The following INPP4B variants were observed in gnomAD, a reference collection of about 807,000 sequenced individuals.
The protein encoded by INPP4B is inositol polyphosphate 4-phosphatase type II.
A neutral mutation model predicts 122.5 loss-of-function variants in INPP4B; 55 were observed. The observed-to-expected ratio is 0.45, with a 90% CI of 0.36 to 0.56. INPP4B has a LOEUF of 0.56. INPP4B is among the 20% of genes least tolerant of loss of function. The pLI, the probability that INPP4B is intolerant of heterozygous loss-of-function variation, is 0.00. For synonymous variants in INPP4B, 403 were observed against 388.7 expected, an observed-to-expected ratio of 1.04 and a Z score of -0.43; for missense variants, 1,000 against 1,097.7, an observed-to-expected ratio of 0.91 and a Z score of 1.26.
intron 7 of INPP4B, among the ~76,000 whole-genome samples, chr4:142,367,656 A>G (rs1409103137): frequency 1.3e-5 from 2 of 152,116 alleles, no homozygotes; most frequent in Admixed American, 6.6e-5. Flanking sequence ...TCTCAACATT[A>G]TGCTCTATTG....
At chr4:142,171,901 T>G (rs1825809711) in intron 16 of INPP4B, among the ~76,000 whole-genome samples, 1 of 151,982 alleles carries the variant, frequency 6.6e-6, no homozygotes, top group Non-Finnish European at 1.5e-5. Flanking sequence ...CCCTGCCCAG[T>G]GCACAAGAAG....
intron 3 of INPP4B, among the ~76,000 whole-genome samples, chr4:142,442,411 C>CAA (rs70949167): frequency 0.078 from 6,145 of 78,518 alleles, 700 homozygotes; most frequent in East Asian, 0.31. Context: ...GACTCCATCT[C>CAA]AAAAAAAAAA....
intron 9 of INPP4B, among the ~76,000 whole-genome samples, chr4:142,300,649 A>C (rs1579656803): frequency 6.6e-6 from 1 of 152,208 alleles, no homozygotes; most frequent in Non-Finnish European, 1.5e-5. Flanking sequence ...GTACATATGC[A>C]TGCATAGGTA....
chr4:142,188,206 G>T (rs1833993212), intron 15 of INPP4B, among the ~76,000 whole-genome samples: 1 of 151,840 alleles, frequency 6.6e-6, no homozygotes, highest in South Asian at 2.1e-4. Flanking sequence ...TATATGGCTT[G>T]GTCGGGCACA....
intron 21 of INPP4B, among the ~76,000 whole-genome samples, chr4:142,119,502 T>G (rs940220232): frequency 6.6e-6 from 1 of 152,040 alleles, no homozygotes; most frequent in African/African-American, 2.4e-5. Flanking sequence ...TGTAGGGATA[T>G]GGATGAAGGT....
intron 7 of INPP4B, among the ~76,000 whole-genome samples, chr4:142,358,650 T>TAA (rs11443003): frequency 0.05 from 5,934 of 117,532 alleles, 185 homozygotes; most frequent in African/African-American, 0.081. Context: ...CAGTGATTTA[T>TAA]AAAAAAAAAA....
chr4:142,581,987 A>G (rs1461987993), intron 2 of INPP4B, among the ~76,000 whole-genome samples: 1 of 152,068 alleles, frequency 6.6e-6, no homozygotes, highest in Non-Finnish European at 1.5e-5. Flanking sequence ...TAAAAAATAT[A>G]TATGTGCTAC....
At chr4:142,696,489 A>G (rs544195160) in intron 2 of INPP4B, among the ~76,000 whole-genome samples, 2 of 152,352 alleles carry the variant, frequency 1.3e-5, no homozygotes, top group East Asian at 3.9e-4. Context: ...TCTGTGGTAC[A>G]GATACTCCCT....
At chr4:142,245,596 C>T (rs1312955486) in intron 11 of INPP4B, among the ~76,000 whole-genome samples, 3 of 151,866 alleles carry the variant, frequency 2.0e-5, no homozygotes, top group African/African-American at 2.4e-5. Context: ...TGATGCTGGC[C>T]TCATAAAATG....
intron 2 of INPP4B, among the ~76,000 whole-genome samples, chr4:142,483,182 C>CCTTTTTTTTTT (rs1820773579): frequency 2.1e-5 from 1 of 48,326 alleles, no homozygotes; most frequent in African/African-American, 9.9e-5. Context: ...TCAGGCTATG[C>CCTTTTTTTTTT]TTTTTTTTTT....
intron 4 of INPP4B, among the ~76,000 whole-genome samples, chr4:142,429,666 G>A (rs1045994193): frequency 1.3e-5 from 2 of 152,048 alleles, no homozygotes; most frequent in African/African-American, 4.8e-5. Context: ...GCTAGGTTAT[G>A]ATGGACATTG....
chr4:142,139,241 G>A (rs1806413082), intron 18 of INPP4B, among the ~76,000 whole-genome samples: 1 of 152,054 alleles, frequency 6.6e-6, no homozygotes, highest in Non-Finnish European at 1.5e-5. Context: ...CTTTCCATGA[G>A]GCTTAATGCC....
At chr4:142,330,542 C>A (rs1189037285) in intron 7 of INPP4B, among the ~76,000 whole-genome samples, 1 of 152,132 alleles carries the variant, frequency 6.6e-6, no homozygotes. Flanking sequence ...CACACGCACA[C>A]ACATACACGC....
chr4:142,652,119 C>T (rs542142264), intron 2 of INPP4B, among the ~76,000 whole-genome samples: 1 of 152,228 alleles, frequency 6.6e-6, no homozygotes, highest in East Asian at 1.9e-4. Context: ...ATGACAAAAG[C>T]CACATGATTA....
chr4:142,252,802 A>C (rs1733018844), intron 11 of INPP4B, among the ~76,000 whole-genome samples: 1 of 152,192 alleles, frequency 6.6e-6, no homozygotes, highest in African/African-American at 2.4e-5. Flanking sequence ...AGAGCTTCAC[A>C]CTGTCTTCTA....
chr4:142,090,064 G>C (rs1778773264), intron 23 of INPP4B, among the ~76,000 whole-genome samples: 2 of 152,108 alleles, frequency 1.3e-5, no homozygotes, highest in Admixed American at 1.3e-4. Flanking sequence ...TGAGACTCCA[G>C]AACAGAGCAT....
intron 1 of INPP4B, among the ~76,000 whole-genome samples, chr4:142,822,646 G>A (rs917095424): frequency 2.0e-5 from 3 of 152,134 alleles, no homozygotes; most frequent in Non-Finnish European, 4.4e-5. Flanking sequence ...TGTAAAAACT[G>A]TCTTCCATGA....
chr4:142,579,886 GATAGATAGA>G (rs1560824501), intron 2 of INPP4B, among the ~76,000 whole-genome samples: 2,705 of 131,866 alleles, frequency 0.021, 40 homozygotes, highest in Middle Eastern at 0.056. Flanking sequence ...TAGGTAGATA[GATAGATAGA>G]TAGATAGATA....
chr4:142,574,087 G>T (rs1207327742), intron 2 of INPP4B, among the ~76,000 whole-genome samples: 1 of 151,960 alleles, frequency 6.6e-6, no homozygotes, highest in Non-Finnish European at 1.5e-5. Context: ...TTTAACTCTT[G>T]GACTGTTGCT....
Sources: allele counts gnomAD v4.1 joint callset (sites outside exome capture counted in the v4.1 genomes callset), GRCh38; gene constraint gnomAD v4.1.1; transcripts MANE v1.5; gene names NCBI Gene and HGNC (gene_info 2026-07-23, HGNC 2026-07-21).